SVOP: variants seen among roughly 807,000 people sequenced by gnomAD.
The protein encoded by SVOP is SV2 related protein.
SVOP carries 17 observed loss-of-function variants against 69.1 expected under a neutral mutation model. That is an observed-to-expected ratio of 0.25 (90% CI 0.17 to 0.37). The LOEUF is 0.37. Ranked by LOEUF, SVOP falls within the 10% of genes least tolerant of loss-of-function variation. The pLI, the probability that SVOP is intolerant of heterozygous loss-of-function variation, is 1.00. For missense variants in SVOP, 435 were observed against 597.5 expected, an observed-to-expected ratio of 0.73 and a Z score of 2.84; for synonymous variants, 238 against 238.6, an observed-to-expected ratio of 1.00 and a Z score of 0.02.
intron 15 of SVOP, 148 bp from the exon 16 acceptor site, chr12:108,912,889 C>G: frequency 1.2e-6 from 1 of 859,090 alleles, no homozygotes; most frequent in South Asian, 1.7e-5. Flanking sequence ...CCCCTTTGTC[C>G]CTCTCTCTCC....
rs554847573 is a variant in SVOP, at chr12:109,020,660, G to T, written c.35+174C>A. Among the ~76,000 whole-genome samples, 4 of 152,082 alleles carry T rather than the reference G, an allele frequency of 2.6e-5. No homozygotes were observed. The East Asian group carries it at 7.8e-4, about 29-fold the overall frequency. On this transcript the variant is annotated intron_variant, in intron 1 of 15. Transcript: ENST00000610966. ...ACTGAGTCAGAGATACAGAGGCTGGGCTGCTGGGGAAAGAAAATGGCTTGT... is the reference window on the plus strand; with the variant it reads ...ACTGAGTCAGAGATACAGAGGCTGGTCTGCTGGGGAAAGAAAATGGCTTGT...
rs187561067 is a variant in SVOP, at chr12:109,013,824, C to T, written c.35+7010G>A. Among the ~76,000 whole-genome samples the T allele has an allele frequency of 5.3e-5, 8 of 152,244 alleles. No homozygotes were observed. In the East Asian group the frequency reaches 1.5e-3, roughly 29 times the overall value. On this transcript the variant is annotated intron_variant, in intron 1 of 15. Transcript: ENST00000610966. Reference sequence around the variant, plus strand: ...TAAATTTAAATTCAGTACCATTAAACACCAACTCCCCATTCCCTCTCCCCC... The same window carrying T: ...TAAATTTAAATTCAGTACCATTAAATACCAACTCCCCATTCCCTCTCCCCC...
At chr12:108,939,591 C>A (rs1167466478) in intron 8 of SVOP, among the ~76,000 whole-genome samples, 2 of 152,226 alleles carry the variant, frequency 1.3e-5, no homozygotes, top group Non-Finnish European at 2.9e-5. Flanking sequence ...ATTTAGAGTT[C>A]TTTTGTCTAC....
intron 1 of SVOP, among the ~76,000 whole-genome samples, chr12:109,008,959 T>TA (rs2040325224): frequency 1.5e-5 from 2 of 131,084 alleles, no homozygotes; most frequent in South Asian, 4.6e-4. Flanking sequence ...TTCTTTTCTT[T>TA]CTTTTTTTTT....
At chr12:108,975,633 G>A (rs1186800741) in intron 4 of SVOP, among the ~76,000 whole-genome samples, 2 of 152,184 alleles carry the variant, frequency 1.3e-5, no homozygotes, top group African/African-American at 4.8e-5. Context: ...GTAAATTATG[G>A]TTGTTATCAT....
intron 6 of SVOP, among the ~76,000 whole-genome samples, chr12:108,946,368 A>G (rs1313744100): frequency 3.9e-5 from 6 of 152,084 alleles, no homozygotes; most frequent in Non-Finnish European, 8.8e-5. Context: ...CCAAAGCGCT[A>G]GGATTACAGG....
At chr12:108,943,210 C>T (rs1006014008) in intron 7 of SVOP, among the ~76,000 whole-genome samples, 2 of 152,112 alleles carry the variant, frequency 1.3e-5, no homozygotes, top group Non-Finnish European at 2.9e-5. Flanking sequence ...CCAAAGTCCC[C>T]TTTTGCTTAA....
intron 14 of SVOP, among the ~76,000 whole-genome samples, chr12:108,917,321 C>T (rs1245823143): frequency 6.6e-6 from 1 of 152,196 alleles, no homozygotes; most frequent in Admixed American, 6.5e-5. Flanking sequence ...TTCTTCAGTG[C>T]ATACCATATG....
chr12:108,982,680 CCAT>C (rs1285419281), intron 2 of SVOP, among the ~76,000 whole-genome samples: 31,232 of 123,468 alleles, frequency 0.25, 3,105 homozygotes, highest in African/African-American at 0.34. Flanking sequence ...ATTATCATCA[CCAT>C]CATCATCATC....
intron 10 of SVOP, among the ~76,000 whole-genome samples, chr12:108,935,092 C>CTGGCAA (rs1348275991): frequency 6.6e-6 from 1 of 152,208 alleles, no homozygotes; most frequent in Non-Finnish European, 1.5e-5. Flanking sequence ...CCAAGGCTGT[C>CTGGCAA]TACCCAACTG....
At chr12:108,930,471 T>G (rs946333761) in intron 11 of SVOP, among the ~76,000 whole-genome samples, 14 of 150,958 alleles carry the variant, frequency 9.3e-5, no homozygotes, top group Non-Finnish European at 2.1e-4. Context: ...AGAATCTCGC[T>G]TTGTTGCCCA....
intron 11 of SVOP, among the ~76,000 whole-genome samples, chr12:108,927,079 G>A (rs2039784788): frequency 1.3e-5 from 2 of 152,186 alleles, no homozygotes; most frequent in African/African-American, 4.8e-5. Flanking sequence ...TAAGCTCAGG[G>A]ATCTTCTCTT....
At chr12:108,939,245 A>G (rs2039874654) in intron 8 of SVOP, among the ~76,000 whole-genome samples, 1 of 152,220 alleles carries the variant, frequency 6.6e-6, no homozygotes, top group African/African-American at 2.4e-5. Flanking sequence ...CAAGGTGCCT[A>G]GTGCAGTGCC....
intron 6 of SVOP, among the ~76,000 whole-genome samples, chr12:108,955,992 G>T (rs1306090948): frequency 6.6e-6 from 1 of 152,254 alleles, no homozygotes; most frequent in East Asian, 1.9e-4. Context: ...CAGAGCCCAT[G>T]ATCTATTTTA....
At chr12:108,966,474 C>G (rs577168274) in intron 5 of SVOP, among the ~76,000 whole-genome samples, 37 of 151,990 alleles carry the variant, frequency 2.4e-4, no homozygotes, top group Middle Eastern at 3.4e-3. Context: ...AACGCCCCGG[C>G]AGGAATCTTA....
intron 1 of SVOP, among the ~76,000 whole-genome samples, chr12:109,002,995 A>AAATAAATG (rs2040282071): frequency 1.7e-5 from 1 of 57,914 alleles, no homozygotes; most frequent in Non-Finnish European, 3.6e-5. Flanking sequence ...ATAAATAAAT[A>AAATAAATG]AATAAATAAA....
At chr12:108,915,510 T>G (rs778221177) in intron 15 of SVOP, among the ~76,000 whole-genome samples, 4 of 152,228 alleles carry the variant, frequency 2.6e-5, no homozygotes, top group Non-Finnish European at 5.9e-5. Flanking sequence ...GCAAAACATA[T>G]GGCAGCCCAA....
chr12:108,934,667 T>G (rs1368102757), intron 10 of SVOP, among the ~76,000 whole-genome samples: 1 of 152,140 alleles, frequency 6.6e-6, no homozygotes, highest in Non-Finnish European at 1.5e-5. Context: ...TAAAGCAGGT[T>G]GCAGTAAAGA....
intron 5 of SVOP, among the ~76,000 whole-genome samples, chr12:108,969,431 G>A (rs866697029): frequency 2.6e-4 from 37 of 144,296 alleles, no homozygotes; most frequent in Admixed American, 7.8e-4. Flanking sequence ...GCCCAGGCTG[G>A]AGTGCAATGG....
Sources: allele counts gnomAD v4.1 joint callset (sites outside exome capture counted in the v4.1 genomes callset), GRCh38; gene constraint gnomAD v4.1.1; transcripts MANE v1.5; gene names NCBI Gene and HGNC (gene_info 2026-07-23, HGNC 2026-07-21).